TBC1D30: variants seen among roughly 807,000 people sequenced by gnomAD.
TBC1D30 encodes the protein TBC1 domain family member 30, also known as TBC1 domain family, member 30.
In TBC1D30, 31 loss-of-function variants were observed where a neutral mutation model predicts 63.2. The observed-to-expected ratio is 0.49, with a 90% confidence interval of 0.37 to 0.66. TBC1D30 has a LOEUF of 0.66. Ranked by LOEUF, TBC1D30 falls within the 30% of genes least tolerant of loss-of-function variation. TBC1D30 has a pLI of 0.00. For synonymous variants in TBC1D30, 307 were observed against 361.5 expected (o/e 0.85, Z 1.71); for missense variants, 810 against 953.6 (o/e 0.85, Z 1.98).
In TBC1D30 at chr12:64,838,782, A is replaced by G. The variant is rs1191000541; in HGVS notation, c.863A>G (p.Asp288Gly). The stretch of plus-strand genomic sequence containing the variant: ...AATCAGACCGTTTTAAAGATCTGGG[A>G]TTCAGTCTTCTTTGAAGGTTCAGAA... ...LPNQTVLKIW[D>G]SVFFEGSEII... Residue 288 changes from aspartate to glycine, a missense_variant, in exon 7 of 12, where the codon GAT becomes GGT. Physicochemically the swap from Asp to Gly is moderately conservative, Grantham distance 94 (BLOSUM62 -1). This residue lies in a region of TBC1D30 where 83 missense variants were observed against 121.5 expected (regional missense o/e 0.68). Coordinates refer to ENST00000539867, the MANE Select transcript of TBC1D30 (RefSeq NM_015279.2). The G allele has an allele frequency of 3.3e-6, 5 of 1,536,296 alleles. No homozygotes were observed. Among genetic ancestry groups the G allele is most frequent in the Non-Finnish European group, 4.4e-6 (5 of 1,146,942 alleles).
intron 7 of TBC1D30, among the ~76,000 whole-genome samples, chr12:64,839,328 A>G (rs1479846206): frequency 6.6e-6 from 1 of 152,250 alleles, no homozygotes; most frequent in East Asian, 1.9e-4. Flanking sequence ...CCTTTCATTA[A>G]GAATTAATTC....
chr12:64,869,025 A>G (rs1004783539), intron 10 of TBC1D30, among the ~76,000 whole-genome samples: 4 of 151,996 alleles, frequency 2.6e-5, no homozygotes, highest in South Asian at 4.2e-4. Context: ...GGAATTATCA[A>G]TGTTATGCAC....
chr12:64,785,010 C>CA (rs1183489362), intron 1 of TBC1D30, among the ~76,000 whole-genome samples: 1 of 151,952 alleles, frequency 6.6e-6, no homozygotes, highest in Non-Finnish European at 1.5e-5. Flanking sequence ...ACCTCTAAGA[C>CA]AAAATGTTTT....
At chr12:64,863,745 C>T (rs1323820860) in intron 8 of TBC1D30, among the ~76,000 whole-genome samples, 1 of 152,218 alleles carries the variant, frequency 6.6e-6, no homozygotes, top group South Asian at 2.1e-4. Context: ...TCACAGCCTT[C>T]CTTTTGGCAC....
In TBC1D30 at chr12:64,866,767, A is replaced by T; in HGVS notation, c.1155A>T (p.Arg385=). 6.5e-7 allele frequency: 1 copy of T among 1,535,222 alleles called. No homozygotes were observed. Among genetic ancestry groups the T allele is most frequent in the Non-Finnish European group, 8.7e-7 (1 of 1,146,630 alleles). ...ATVKPTSVSG[R]HSKARDSDEE... is the part of the protein sequence containing the mutation. ...TTTGTCTTTTATGTTTTCCAAGACG[A>T]CATAGTAAGGCCAGAGACAGTGATG... is the stretch of plus-strand genomic sequence containing the variant. Residue 385 remains arginine, a synonymous_variant, in exon 10 of 12, where the codon CGA becomes CGT. Transcript: ENST00000539867.
intron 8 of TBC1D30, among the ~76,000 whole-genome samples, chr12:64,860,213 T>C (rs1250614331): frequency 6.6e-6 from 1 of 151,990 alleles, no homozygotes; most frequent in East Asian, 1.9e-4. Flanking sequence ...AGATGGGGTT[T>C]CACCATGTTG....
intron 2 of TBC1D30, among the ~76,000 whole-genome samples, chr12:64,793,102 G>T (rs1402366104): frequency 6.6e-6 from 1 of 152,140 alleles, no homozygotes; most frequent in East Asian, 1.9e-4. Context: ...TACTTTGGGA[G>T]GCTGAAGCAG....
chr12:64,826,295 A>G (rs772381920), intron 1 of TBC1D30, among the ~76,000 whole-genome samples: 4 of 152,182 alleles, frequency 2.6e-5, no homozygotes, highest in Non-Finnish European at 4.4e-5. Flanking sequence ...ATGAGAGGAT[A>G]GTTGTGGTTT....
chr12:64,795,292 G>A (rs1003993529), intron 2 of TBC1D30, among the ~76,000 whole-genome samples: 3 of 152,174 alleles, frequency 2.0e-5, no homozygotes, highest in Non-Finnish European at 2.9e-5. Context: ...TTTGGGAGCC[G>A]AGTGGGGTGA....
chr12:64,876,840 CT>C lies in TBC1D30; in HGVS notation c.*1053del. 1 of 455,988 alleles carries C rather than the reference CT, an allele frequency of 2.2e-6. No individual in the cohort carries two copies. The highest frequency in any genetic ancestry group is 6.9e-5 in the East Asian group (1 of 14,412). The allele number at this position is 455,988 out of a possible 1,614,324, so 28.2% of individuals were successfully genotyped here. On this transcript the variant is annotated 3_prime_UTR_variant, in exon 12 of 12. Coordinates refer to ENST00000539867, the MANE Select transcript of TBC1D30 (RefSeq NM_015279.2). Reference sequence around the variant, plus strand: ...TCACTCCTGCCCTTTCTAGCTCTCTCTCACCCAGCGGGTCAGGGATAGCACC... The same window carrying C: ...TCACTCCTGCCCTTTCTAGCTCTCTCCACCCAGCGGGTCAGGGATAGCACC...
At chr12:64,805,131 G>T (rs1872788904) in intron 2 of TBC1D30, among the ~76,000 whole-genome samples, 1 of 152,116 alleles carries the variant, frequency 6.6e-6, no homozygotes, top group South Asian at 2.1e-4. Context: ...AACCTGGGAG[G>T]CAGAGGTTGC....
chr12:64,770,767 G>A (rs998023072), intron 1 of TBC1D30, among the ~76,000 whole-genome samples: 2 of 150,742 alleles, frequency 1.3e-5, no homozygotes, highest in South Asian at 4.2e-4. Flanking sequence ...GCAGTGGTGC[G>A]ATCTCAGCTC....
chr12:64,796,124 T>C (rs2136309244), intron 2 of TBC1D30, among the ~76,000 whole-genome samples: 1 of 152,096 alleles, frequency 6.6e-6, no homozygotes, highest in Non-Finnish European at 1.5e-5. Flanking sequence ...TTAAGCTCTT[T>C]AGCATCTTAA....
intron 2 of TBC1D30, among the ~76,000 whole-genome samples, chr12:64,817,441 C>T (rs1343348756): frequency 6.6e-6 from 1 of 152,246 alleles, no homozygotes; most frequent in Non-Finnish European, 1.5e-5. Context: ...TAACCTTTGT[C>T]TGCTGCGTTG....
intron 1 of TBC1D30, among the ~76,000 whole-genome samples, chr12:64,784,376 T>C (rs893495859): frequency 2.0e-5 from 3 of 152,090 alleles, no homozygotes; most frequent in Non-Finnish European, 4.4e-5. Flanking sequence ...TTGAGAACCC[T>C]GCATTTGTTT....
chr12:64,828,203 C>T (rs542150823), intron 2 of TBC1D30, among the ~76,000 whole-genome samples: 1 of 152,296 alleles, frequency 6.6e-6, no homozygotes, highest in South Asian at 2.1e-4. Context: ...ACCAGAGCTT[C>T]CCAACCATTT....
intron 2 of TBC1D30, among the ~76,000 whole-genome samples, chr12:64,817,819 T>G (rs1873638785): frequency 6.6e-6 from 1 of 152,118 alleles, no homozygotes; most frequent in Admixed American, 6.5e-5. Context: ...TCCCAGCACT[T>G]TGGGAGGCCA....
chr12:64,787,964 G>C (rs1469516882), intron 2 of TBC1D30, among the ~76,000 whole-genome samples: 1 of 152,146 alleles, frequency 6.6e-6, no homozygotes, highest in Admixed American at 6.5e-5. Flanking sequence ...AACCCAGGAG[G>C]CGGGGGTTGC....
At chr12:64,789,298 C>T (rs577744479) in intron 2 of TBC1D30, among the ~76,000 whole-genome samples, 1 of 151,096 alleles carries the variant, frequency 6.6e-6, no homozygotes, top group East Asian at 2.0e-4. Context: ...GATCCTCTTA[C>T]CTCATCCTCC....
Sources: gnomAD v4.1 joint callset for allele counts (sites outside exome capture counted in the v4.1 genomes callset) on GRCh38, gnomAD v4.1.1 for gene constraint, gnomAD v4.1.1 regional missense constraint, MANE v1.5 for transcripts, NCBI Gene and HGNC (gene_info 2026-07-23, HGNC 2026-07-21) for gene names.